Variants in AGTPBP1 observed in about 807,000 individuals in gnomAD.
The protein encoded by AGTPBP1 is cytosolic carboxypeptidase 1.
A neutral mutation model predicts 143.9 loss-of-function variants in AGTPBP1; 70 were observed. The ratio of observed to expected loss-of-function variants is 0.49; its 90% CI spans 0.40 to 0.59. The LOEUF (loss-of-function observed/expected upper bound fraction) is 0.59, where lower values mean the gene tolerates loss of function less well. Ranked by LOEUF, AGTPBP1 falls within the 20% of genes least tolerant of loss-of-function variation. The pLI is 0.00. For synonymous variants in AGTPBP1, 463 were observed against 500.2 expected, an observed-to-expected ratio of 0.93 and a Z score of 0.99; for missense variants, 1,229 against 1,464.5, an observed-to-expected ratio of 0.84 and a Z score of 2.62.
At chr9:85,734,190 T>C (rs1243577735) in intron 1 of AGTPBP1, among the ~76,000 whole-genome samples, 1 of 151,988 alleles carries the variant, frequency 6.6e-6, no homozygotes, top group East Asian at 1.9e-4. Context: ...GAGGCAGAGG[T>C]TGCAGTGAGC....
At chr9:85,671,019 G>A (rs1387691826) in intron 7 of AGTPBP1, among the ~76,000 whole-genome samples, 1 of 152,058 alleles carries the variant, frequency 6.6e-6, no homozygotes, top group African/African-American at 2.4e-5. Context: ...ATGGCTCACT[G>A]CAGCCTTAAC....
At chr9:85,722,948 G>C (rs999962746) in intron 1 of AGTPBP1, among the ~76,000 whole-genome samples, 3 of 152,026 alleles carry the variant, frequency 2.0e-5, no homozygotes, top group African/African-American at 7.2e-5. Context: ...CAGGTCTGTT[G>C]GAGTTTGCTG....
intron 3 of AGTPBP1, among the ~76,000 whole-genome samples, chr9:85,690,142 A>G (rs973372558): frequency 6.6e-6 from 1 of 151,974 alleles, no homozygotes; most frequent in African/African-American, 2.4e-5. Flanking sequence ...GACTACTGAA[A>G]GATATCTTTG....
chr9:85,692,725 C>G lies in AGTPBP1; in HGVS notation c.121G>C (p.Val41Leu). 6.2e-7 allele frequency: 1 copy of G among 1,613,978 alleles called. No individual in the cohort carries two copies. Among genetic ancestry groups the G allele is most frequent in the Non-Finnish European group, 8.5e-7 (1 of 1,179,964 alleles). ...GCCAGATGAAGAATTTTTGATGTAA[C>G]ATATCGGGCAGTGTCTGATTCTGAA... Reference protein sequence around the residue: ...EPSESDTARYVTSKILHLAQS... With the variant: ...EPSESDTARYLTSKILHLAQS... Residue 41 changes from valine (V) to leucine (L), a missense_variant, in exon 3 of 26, where the codon GTT (valine) becomes CTT (leucine). This residue lies in a region of AGTPBP1 where 743 missense variants were observed against 812.2 expected (regional missense o/e 0.91). Coordinates refer to ENST00000357081, the MANE Select transcript of AGTPBP1 (RefSeq NM_001330701.2).
At position 85,658,477 on chromosome 9, in the gene AGTPBP1, A is replaced by G. The variant is rs560694354; in HGVS notation, c.701-834T>C. Among the ~76,000 whole-genome samples the G allele has an allele frequency of 6.6e-5, 10 of 152,242 alleles. No individual in the cohort carries two copies. The South Asian group carries it at 2.1e-3, about 32-fold the overall frequency. On this transcript the variant is annotated intron_variant, in intron 9 of 25. Transcript: ENST00000357081. ...GGCAAGGGAATCATATCAGAGCAACATATCAAGTCACCCAATGCTGCTCTG... is the reference window on the plus strand; with the variant it reads ...GGCAAGGGAATCATATCAGAGCAACGTATCAAGTCACCCAATGCTGCTCTG...
chr9:85,680,591 AAAG>A (rs758954999), intron 4 of AGTPBP1, among the ~76,000 whole-genome samples: 29 of 152,148 alleles, frequency 1.9e-4, no homozygotes, highest in Non-Finnish European at 3.7e-4. Flanking sequence ...CTCAAAAAAA[AAAG>A]AAAAGAAAAG....
intron 4 of AGTPBP1, among the ~76,000 whole-genome samples, chr9:85,680,296 C>T (rs1233031511): frequency 3.3e-5 from 5 of 151,880 alleles, no homozygotes; most frequent in Non-Finnish European, 7.4e-5. Context: ...AAAAACAAAA[C>T]TGTTAGGCCG....
intron 1 of AGTPBP1, among the ~76,000 whole-genome samples, chr9:85,728,312 A>G (rs1028167929): frequency 6.6e-6 from 1 of 152,124 alleles, no homozygotes; most frequent in Non-Finnish European, 1.5e-5. Context: ...TCTTGTGCTC[A>G]GGCTGAGAAC....
At chr9:85,563,995 G>C (rs1197100073) in intron 25 of AGTPBP1, among the ~76,000 whole-genome samples, 1 of 152,216 alleles carries the variant, frequency 6.6e-6, no homozygotes, top group Non-Finnish European at 1.5e-5. Flanking sequence ...CACCAGCCTG[G>C]GAAGCATGGT....
At chr9:85,562,560 T>C (rs1224990607) in intron 25 of AGTPBP1, among the ~76,000 whole-genome samples, 3 of 152,222 alleles carry the variant, frequency 2.0e-5, no homozygotes, top group Non-Finnish European at 4.4e-5. Context: ...TTAAGCTCTG[T>C]TTAATTTACA....
intron 2 of AGTPBP1, among the ~76,000 whole-genome samples, chr9:85,705,105 C>T (rs1836897538): frequency 1.3e-5 from 2 of 149,712 alleles, no homozygotes; most frequent in South Asian, 4.2e-4. Flanking sequence ...TCCTGAAGGA[C>T]AAGAGAGAGA....
At chr9:85,753,207 T>C in the AGTPBP1 span, 1 of 1,479,566 alleles carries the variant, frequency 6.8e-7, no homozygotes, top group South Asian at 1.3e-5. Flanking sequence ...CAGAGCGAGA[T>C]CTTGTCTCCA....
intron 4 of AGTPBP1, among the ~76,000 whole-genome samples, chr9:85,679,068 A>C (rs1835007777): frequency 6.6e-6 from 1 of 152,228 alleles, no homozygotes; most frequent in South Asian, 2.1e-4. Context: ...ATATATATTT[A>C]CATGTGGTAA....
intron 6 of AGTPBP1, among the ~76,000 whole-genome samples, chr9:85,675,345 A>G (rs751411295): frequency 3.3e-5 from 5 of 152,026 alleles, no homozygotes; most frequent in Non-Finnish European, 5.9e-5. Context: ...CCTTTGTTCT[A>G]TATCCTATTT....
Position 85,646,350 on chromosome 9 carries a change from T to C in AGTPBP1, c.1156A>G (p.Asn386Asp), listed in dbSNP as rs1275613398. 3 of 1,612,880 alleles carry C rather than the reference T, an allele frequency of 1.9e-6. No individual in the cohort carries two copies. The African/African-American group carries it at 4.0e-5, about 22-fold the overall frequency. ...AAATTTTGATCTAGGTCATCTTCAT[T>C]CTCAGTTTCGTTTTCAGCTTCTACA... is the stretch of plus-strand genomic sequence containing the variant. The part of the protein sequence containing the change: ...IDVEAENETE[N>D]EDDLDQNFKN... Residue 386 changes from asparagine to aspartate, a missense_variant, in exon 12 of 26, where the codon AAT becomes GAT. Physicochemically the swap from Asn to Asp is conservative, Grantham distance 23 (BLOSUM62 1). Around this residue, in one of 2 missense-constraint regions of AGTPBP1, gnomAD observed 743 missense variants for 812.2 expected, o/e 0.91. Coordinates refer to ENST00000357081, the MANE Select transcript of AGTPBP1 (RefSeq NM_001330701.2).
chr9:85,564,976 GT>G (rs1305726147), intron 25 of AGTPBP1, among the ~76,000 whole-genome samples: 1 of 152,160 alleles, frequency 6.6e-6, no homozygotes, highest in Non-Finnish European at 1.5e-5. Flanking sequence ...GTCACATGAG[GT>G]TACAGTGAGA....
intron 14 of AGTPBP1, among the ~76,000 whole-genome samples, chr9:85,622,918 A>T (rs370789477): frequency 6.6e-6 from 1 of 152,226 alleles, no homozygotes; most frequent in African/African-American, 2.4e-5. Context: ...AATTTATTTA[A>T]TTAATAAGGT....
intron 3 of AGTPBP1, among the ~76,000 whole-genome samples, chr9:85,689,925 A>AAAAATATAT (rs58719163): frequency 2.8e-4 from 20 of 72,506 alleles, no homozygotes; most frequent in African/African-American, 8.3e-4. Flanking sequence ...AAAAAAAAAA[A>AAAAATATAT]ATATATATAT....
the AGTPBP1 span, among the ~76,000 whole-genome samples, chr9:85,752,163 G>A: frequency 3.9e-5 from 6 of 152,140 alleles, no homozygotes; most frequent in South Asian, 2.1e-4. Flanking sequence ...CTTGAAACCC[G>A]GGAGGCGGAG....
Sources: gnomAD v4.1 joint callset for allele counts (sites outside exome capture counted in the v4.1 genomes callset) on GRCh38, gnomAD v4.1.1 for gene constraint, gnomAD v4.1.1 regional missense constraint, MANE v1.5 for transcripts, NCBI Gene and HGNC (gene_info 2026-07-23, HGNC 2026-07-21) for gene names.